DCC: variants seen among roughly 807,000 people sequenced by gnomAD.
DCC encodes netrin receptor DCC.
In DCC, 58 loss-of-function variants were observed where a neutral mutation model predicts 172.5. That is an observed-to-expected ratio of 0.34 (90% CI 0.27 to 0.42). The LOEUF is 0.42. Ranked by LOEUF, DCC falls within the 10% of genes least tolerant of loss-of-function variation. The pLI is 1.00. For missense variants in DCC, 1,740 were observed against 1,791.0 expected, an observed-to-expected ratio of 0.97 and a Z score of 0.51; for synonymous variants, 709 against 644.5, an observed-to-expected ratio of 1.10 and a Z score of -1.52.
Position 53,506,966 on chromosome 18 carries a change from G to A in DCC, c.4111+7456G>A, listed in dbSNP as rs574648184. ...ACTACAGAACTGATTTTGCTCTTCT[G>A]AATCTCACTTTTCTCATCTGTGAAA... On this transcript the variant is annotated intron_variant, in intron 27 of 28. Coordinates refer to ENST00000442544, the MANE Select transcript of DCC (RefSeq NM_005215.4). Among the ~76,000 whole-genome samples, 35 of 152,054 alleles carry A rather than the reference G, an allele frequency of 2.3e-4. No homozygotes were observed. The East Asian group carries it at 5.8e-3, about 25-fold the overall frequency.
intron 7 of DCC, among the ~76,000 whole-genome samples, chr18:53,072,307 T>G (rs1441328952): frequency 5.9e-5 from 9 of 152,120 alleles, no homozygotes; most frequent in Admixed American, 5.2e-4. Flanking sequence ...GTAATTAAAT[T>G]AAGGACCCTG....
intron 24 of DCC, among the ~76,000 whole-genome samples, chr18:53,463,716 C>G (rs1384947611): frequency 6.6e-6 from 1 of 152,098 alleles, no homozygotes; most frequent in Non-Finnish European, 1.5e-5. Flanking sequence ...AGTATCACAG[C>G]CAGGACCAAA....
chr18:52,997,589 A>G (rs7238466), intron 5 of DCC, among the ~76,000 whole-genome samples: 114,854 of 151,924 alleles, frequency 0.76, 43,783 homozygotes, highest in African/African-American at 0.83. Flanking sequence ...ATTTTCTGCC[A>G]CGATTGTGGA....
At chr18:53,388,406 G>A (rs372034730) in intron 16 of DCC, among the ~76,000 whole-genome samples, 8 of 152,284 alleles carry the variant, frequency 5.3e-5, no homozygotes, top group African/African-American at 9.6e-5. Flanking sequence ...GGACAGTCTC[G>A]AACAAGGGCC....
At chr18:53,412,443 A>G (rs950278876) in intron 20 of DCC, among the ~76,000 whole-genome samples, 3 of 152,170 alleles carry the variant, frequency 2.0e-5, no homozygotes, top group African/African-American at 7.2e-5. Flanking sequence ...ATTACTCATC[A>G]TAAGAGATTT....
chr18:52,429,000 C>T (rs567726758), intron 1 of DCC, among the ~76,000 whole-genome samples: 1 of 152,142 alleles, frequency 6.6e-6, no homozygotes, highest in South Asian at 2.1e-4. Context: ...CCAATCATTT[C>T]CTGCCATCCC....
intron 27 of DCC, among the ~76,000 whole-genome samples, chr18:53,523,459 G>C (rs906521443): frequency 6.6e-6 from 1 of 152,106 alleles, no homozygotes; most frequent in Non-Finnish European, 1.5e-5. Context: ...ACAAGCACAC[G>C]TATGTTTACT....
chr18:53,078,143 A>C (rs1020251562), intron 7 of DCC, among the ~76,000 whole-genome samples: 1 of 152,122 alleles, frequency 6.6e-6, no homozygotes, highest in African/African-American at 2.4e-5. Context: ...AGGAATCACA[A>C]ATTAGAGTGT....
chr18:53,279,962 T>C (rs1189045606), intron 12 of DCC, among the ~76,000 whole-genome samples: 2 of 151,678 alleles, frequency 1.3e-5, no homozygotes, highest in African/African-American at 4.8e-5. Flanking sequence ...AGGAGGGAGA[T>C]AGTAAAAAAA....
intron 1 of DCC, among the ~76,000 whole-genome samples, chr18:52,373,525 A>G (rs149019408): frequency 1.0e-3 from 153 of 152,292 alleles, no homozygotes; most frequent in African/African-American, 3.4e-3. Flanking sequence ...TGTGACATGT[A>G]TACCAACTAT....
At chr18:53,154,493 C>T (rs192222525) in intron 7 of DCC, among the ~76,000 whole-genome samples, 5 of 152,196 alleles carry the variant, frequency 3.3e-5, no homozygotes, top group East Asian at 1.9e-4. Flanking sequence ...TAGAGTGACA[C>T]GACCAGATTT....
chr18:53,527,333 C>T (rs536301025), intron 28 of DCC, among the ~76,000 whole-genome samples: 3 of 151,644 alleles, frequency 2.0e-5, no homozygotes, highest in Non-Finnish European at 4.4e-5. Flanking sequence ...GTTCTCCTGC[C>T]TCAATTTCCC....
chr18:53,061,704 A>G, intron 5 of DCC, among the ~76,000 whole-genome samples: 1 of 152,158 alleles, frequency 6.6e-6, no homozygotes, highest in Non-Finnish European at 1.5e-5. Context: ...GCAGGGAATC[A>G]GACTGTCTGG....
chr18:53,385,435 G>T (rs1195157970), intron 15 of DCC, among the ~76,000 whole-genome samples: 1 of 152,158 alleles, frequency 6.6e-6, no homozygotes, highest in Non-Finnish European at 1.5e-5. Context: ...AATTTTCATG[G>T]TTCTTCTTCT....
intron 1 of DCC, among the ~76,000 whole-genome samples, chr18:52,652,775 T>C (rs2035166817): frequency 6.9e-6 from 1 of 145,066 alleles, no homozygotes; most frequent in Non-Finnish European, 1.5e-5. Flanking sequence ...GAGGATGGAG[T>C]AAATATTTGT....
intron 1 of DCC, among the ~76,000 whole-genome samples, chr18:52,601,894 TA>T (rs1437688470): frequency 7.2e-5 from 11 of 152,070 alleles, no homozygotes; most frequent in Non-Finnish European, 1.6e-4. Context: ...CATTTTTCTG[TA>T]ATTTTCTTAC....
At chr18:53,189,944 G>A (rs2055340574) in intron 9 of DCC, among the ~76,000 whole-genome samples, 1 of 152,142 alleles carries the variant, frequency 6.6e-6, no homozygotes, top group Non-Finnish European at 1.5e-5. Flanking sequence ...ATTTTATTTT[G>A]AGACGGAGTT....
In DCC at chr18:52,789,256, G is replaced by A. The variant is rs74642097; in HGVS notation, c.412+36882G>A. Among the ~76,000 whole-genome samples, 1,349 of 152,118 alleles carry A rather than the reference G, an allele frequency of 8.9e-3. 29 individuals are homozygous for A. Among genetic ancestry groups the A allele is most frequent in the East Asian group, 0.083 (429 of 5,160 alleles). ...TCCTGGGGTTTTGTGAGAAAAACAGGTTTTTTCTCAAAAGAGAGTTTGTGG... is the reference window on the plus strand; with the variant it reads ...TCCTGGGGTTTTGTGAGAAAAACAGATTTTTTCTCAAAAGAGAGTTTGTGG... On this transcript the variant is annotated intron_variant, in intron 2 of 28. Transcript: ENST00000442544.
intron 5 of DCC, among the ~76,000 whole-genome samples, chr18:52,959,627 GA>G (rs2040808531): frequency 6.6e-6 from 1 of 151,778 alleles, no homozygotes; most frequent in African/African-American, 2.4e-5. Flanking sequence ...TTTAAGTATT[GA>G]AAATAAAATT....
Sources: gnomAD v4.1 joint callset for allele counts (sites outside exome capture counted in the v4.1 genomes callset) on GRCh38, gnomAD v4.1.1 for gene constraint, MANE v1.5 for transcripts, NCBI Gene and HGNC (gene_info 2026-07-23, HGNC 2026-07-21) for gene names.